HELB: variants seen among roughly 807,000 people sequenced by gnomAD.
HELB encodes DNA 5'-3' helicase B.
A neutral mutation model predicts 101.7 loss-of-function variants in HELB; 96 were observed. The ratio of observed to expected loss-of-function variants is 0.94; its 90% CI spans 0.80 to 1.12. The LOEUF (loss-of-function observed/expected upper bound fraction) is 1.12. Ranked by LOEUF, HELB falls within the 50% of genes most tolerant of loss-of-function variation. The pLI is 0.00. For synonymous variants in HELB, 437 were observed against 459.7 expected (o/e 0.95, Z 0.63); for missense variants, 1,210 against 1,291.9 (o/e 0.94, Z 0.97).
At chr12:66,316,535 A>C (rs1192766282) in intron 6 of HELB, among the ~76,000 whole-genome samples, 1 of 151,426 alleles carries the variant, frequency 6.6e-6, no homozygotes. Context: ...CCCACGTAAA[A>C]TACACTAACA....
Position 66,333,983 on chromosome 12 carries a change from A to C in HELB, c.3162+2338A>C, listed in dbSNP as rs868406632. 1.7e-4 allele frequency among the ~76,000 whole-genome samples: 25 copies of C among 144,458 alleles called. 2 individuals are homozygous for C. Among genetic ancestry groups the C allele is most frequent in the Middle Eastern group, 4.3e-3 (1 of 230 alleles). The allele number at this position is 144,458 out of a possible 152,430, so 94.8% of individuals were successfully genotyped here. On this transcript the variant is annotated intron_variant, in intron 12 of 12. Transcript: ENST00000247815. ...GAGACCAGCCTGGGTAATATGGTGA[A>C]CCCCCATCTCTACTAAAAATACAAA...
Position 66,325,055 on chromosome 12 carries a change from G to T in HELB, c.2599G>T (p.Val867Leu). ...INNMAGLEVTVDFKKLMKYCR... is the reference protein window; with the variant it reads ...INNMAGLEVTLDFKKLMKYCR... Reference sequence around the variant, plus strand: ...TAATATGGCTGGCCTGGAAGTAACTGTGGATTTTAAGAAACTAATGAAATA... The same window carrying T: ...TAATATGGCTGGCCTGGAAGTAACTTTGGATTTTAAGAAACTAATGAAATA... Residue 867 changes from valine (V) to leucine (L), a missense_variant, in exon 11 of 13, where the codon GTG becomes TTG. This residue lies in a region of HELB where 740 missense variants were observed against 728.8 expected (regional missense o/e 1.02). Coordinates refer to ENST00000247815, the MANE Select transcript of HELB (RefSeq NM_001370285.1). 3.7e-6 allele frequency: 6 copies of T among 1,613,758 alleles called. No individual in the cohort carries two copies. The highest frequency in any genetic ancestry group is 5.1e-6 in the Non-Finnish European group (6 of 1,179,710).
At chr12:66,313,879 A>C (rs1592635672) in intron 4 of HELB, 107 bp from the exon 5 acceptor site, 9 of 909,166 alleles carry the variant, frequency 9.9e-6, no homozygotes, top group Non-Finnish European at 1.6e-5. Context: ...TTTACTTCCC[A>C]CCCACCCCTG....
chr12:66,332,101 T>A (rs1474634227), intron 12 of HELB, among the ~76,000 whole-genome samples: 9 of 152,236 alleles, frequency 5.9e-5, no homozygotes, highest in Non-Finnish European at 1.3e-4. Context: ...GAGGAGTTAA[T>A]GAACCAGCTG....
Position 66,310,189 on chromosome 12 carries a change from A to C in HELB, c.1261A>C (p.Thr421Pro), listed in dbSNP as rs888232614. The change falls in exon 4 of 13, where the codon ACA (threonine) becomes CCA (proline). Residue 421 changes from threonine to proline, a missense_variant. Physicochemically the swap from Thr to Pro is conservative, Grantham distance 38. Coordinates refer to ENST00000247815, the MANE Select transcript of HELB (RefSeq NM_001370285.1). ...AGAAAATCCTGTGGATGTTGTGGAC[A>C]CACAGGACAATGGTGACCATATTTG... ...RLENPVDVVD[T>P]QDNGDHIWTN... 1.2e-6 allele frequency: 2 copies of C among 1,614,056 alleles called. No homozygotes were observed. The highest frequency in any genetic ancestry group is 1.7e-6 in the Non-Finnish European group (2 of 1,179,994).
In HELB at chr12:66,325,297, C is replaced by G. The variant is rs147615741; in HGVS notation, c.2670+171C>G. On this transcript the variant is annotated intron_variant, in intron 11 of 12. Transcript: ENST00000247815. The stretch of plus-strand genomic sequence containing the variant: ...CGCCACCCTTTTGCTCTTTTTTGCT[C>G]CAGAGCTCTCTTTATTTTTAGAAAC... Among the ~76,000 whole-genome samples, 36 of 152,202 alleles carry G rather than the reference C, an allele frequency of 2.4e-4. No homozygotes were observed. The East Asian group carries it at 5.0e-3, about 21-fold the overall frequency.
At position 66,306,325 on chromosome 12, in the gene HELB, T is replaced by A. The variant is rs1206530693; in HGVS notation, c.608-20T>A. On this transcript the variant is annotated intron_variant, in intron 2 of 12. Transcript: ENST00000247815. ...TGGGTTCATTTATGTTTTACTTTGT[T>A]CCTTTCTGATATCTTGTAGTTCCAT... 1 of 1,534,924 alleles carries A rather than the reference T, an allele frequency of 6.5e-7. No individual in the cohort carries two copies. Among genetic ancestry groups the A allele is most frequent in the Non-Finnish European group, 8.8e-7 (1 of 1,140,032 alleles).
intron 4 of HELB, among the ~76,000 whole-genome samples, chr12:66,311,506 G>A (rs1045655688): frequency 6.6e-6 from 1 of 152,080 alleles, no homozygotes; most frequent in Non-Finnish European, 1.5e-5. Flanking sequence ...TAGGCGTAAT[G>A]ATATAGTTAG....
intron 5 of HELB, 89 bp downstream of exon 5, chr12:66,314,252 C>T: frequency 2.6e-6 from 3 of 1,145,208 alleles, no homozygotes; most frequent in East Asian, 2.4e-5. Context: ...GTTGTTTACA[C>T]CAGAATTGAT....
chr12:66,303,195 G>A (rs892384507), intron 1 of HELB, among the ~76,000 whole-genome samples: 5 of 150,132 alleles, frequency 3.3e-5, no homozygotes, highest in Non-Finnish European at 7.4e-5. Flanking sequence ...AGTGGATGTT[G>A]AGTCTCTATT....
At chr12:66,334,751 C>T (rs2053847641) in intron 12 of HELB, among the ~76,000 whole-genome samples, 1 of 151,966 alleles carries the variant, frequency 6.6e-6, no homozygotes, top group Non-Finnish European at 1.5e-5. Context: ...TGCATTCCAG[C>T]CTGGGCGACA....
At chr12:66,306,606 T>A (rs958169568) in intron 3 of HELB, 92 bp downstream of exon 3, 1 of 823,778 alleles carries the variant, frequency 1.2e-6, no homozygotes, top group Non-Finnish European at 1.8e-6. Context: ...AGGAAAAAAA[T>A]TTGTGTGGAC....
Position 66,309,989 on chromosome 12 carries a change from A to G in HELB, c.1061A>G (p.Tyr354Cys), listed in dbSNP as rs2053522093. The change falls in exon 4 of 13, where the codon TAT (tyrosine) becomes TGT (cysteine). Residue 354 changes from tyrosine to cysteine, a missense_variant. Around this residue, in one of 2 missense-constraint regions of HELB, gnomAD observed 470 missense variants for 563.1 expected, o/e 0.83. Transcript: ENST00000247815. The part of the protein sequence containing the change: ...VTYEKSCVFP[Y>C]DLYHAERAIA... ...TATGAGAAGTCCTGTGTCTTCCCTT[A>G]TGACCTTTACCATGCTGAAAGAGCC... 1.2e-6 allele frequency: 2 copies of G among 1,614,214 alleles called. 1 individual carries two copies. Among genetic ancestry groups the G allele is most frequent in the Middle Eastern group, 3.3e-4 (2 of 6,062 alleles).
intron 2 of HELB, among the ~76,000 whole-genome samples, chr12:66,305,452 C>A (rs2053463617): frequency 6.6e-6 from 1 of 152,084 alleles, no homozygotes; most frequent in Admixed American, 6.6e-5. Flanking sequence ...AAAAAAAATT[C>A]AGTTGCTGGC....
In HELB at chr12:66,305,050, C is replaced by T; in HGVS notation, c.507C>T (p.Phe169=). The change falls in exon 2 of 13, where the codon TTC becomes TTT. Residue 169 remains phenylalanine, a synonymous_variant. Coordinates refer to ENST00000247815, the MANE Select transcript of HELB (RefSeq NM_001370285.1). ...FENLRETLRT[F]HKETGRKDQK... ...ATCTTAGGGAAACACTAAGAACTTT[C>T]CACAAGGAAACTGGAAGGAAAGATC... The T allele has an allele frequency of 6.2e-7, 1 of 1,612,732 alleles. No homozygotes were observed. Among genetic ancestry groups the T allele is most frequent in the Admixed American group, 1.7e-5 (1 of 59,736 alleles).
intron 4 of HELB, among the ~76,000 whole-genome samples, chr12:66,311,255 G>C (rs985310695): frequency 5.3e-5 from 8 of 151,928 alleles, no homozygotes; most frequent in Non-Finnish European, 1.2e-4. Context: ...GAGCTCAGGA[G>C]TTTGAGACTT....
Position 66,338,185 on chromosome 12 carries a change from A to C in HELB, c.*83A>C. Reference sequence around the variant, plus strand: ...CGTAACGTCAAAGTACCAAGATAAAAAAAGTTTCCTATAACTGGAGTTTTA... The same window carrying C: ...CGTAACGTCAAAGTACCAAGATAAACAAAGTTTCCTATAACTGGAGTTTTA... On this transcript the variant is annotated 3_prime_UTR_variant, in exon 13 of 13. Coordinates refer to ENST00000247815, the MANE Select transcript of HELB (RefSeq NM_001370285.1). The C allele has an allele frequency of 1.2e-6, 1 of 824,390 alleles. No individual in the cohort carries two copies. The highest frequency in any genetic ancestry group is 2.0e-6 in the Non-Finnish European group (1 of 493,364). The allele number at this position is 824,390 out of a possible 1,614,324, so 51.1% of individuals were successfully genotyped here.
At chr12:66,318,610 TTGTG>T (rs754055520) in intron 6 of HELB, 24 bp from the exon 7 acceptor site, 1 of 1,564,484 alleles carries the variant, frequency 6.4e-7, no homozygotes, top group South Asian at 1.2e-5. Flanking sequence ...ATAATGTTCT[TTGTG>T]TGTGTGTGTT....
In HELB at chr12:66,314,130, G is replaced by C. The variant is rs2053574568; in HGVS notation, c.1825G>C (p.Glu609Gln). The C allele has an allele frequency of 4.3e-6, 7 of 1,613,706 alleles. No homozygotes were observed. The East Asian group carries it at 1.6e-4, about 36-fold the overall frequency. Residue 609 changes from glutamate (E) to glutamine (Q), a missense_variant, in exon 5 of 13, where the codon GAG (glutamate) becomes CAG (glutamine). Coordinates refer to ENST00000247815, the MANE Select transcript of HELB (RefSeq NM_001370285.1). Reference protein sequence around the residue: ...IFKSVLNLLCEHSKLSKLIIL... With the variant: ...IFKSVLNLLCQHSKLSKLIIL... ...CAAATCGGTCTTAAATTTATTGTGT[G>C]AGCACTCCAAACTTTCTAAGCTTAT...
Sources: allele counts gnomAD v4.1 joint callset (sites outside exome capture counted in the v4.1 genomes callset), GRCh38; gene constraint gnomAD v4.1.1; regional missense constraint gnomAD v4.1.1; transcripts MANE v1.5; gene names NCBI Gene and HGNC (gene_info 2026-07-23, HGNC 2026-07-21).